Variants in PZP observed in about 807,000 individuals in gnomAD.
PZP encodes the protein pregnancy zone protein.
A neutral mutation model predicts 179.8 loss-of-function variants in PZP; 150 were observed. The observed-to-expected ratio is 0.83, with a 90% confidence interval of 0.73 to 0.96. PZP has a LOEUF of 0.96. Ranked by LOEUF, PZP falls within the 40% of genes least tolerant of loss-of-function variation. The pLI is 0.00. For missense variants in PZP, 1,689 were observed against 1,764.0 expected (o/e 0.96, Z 0.76); for synonymous variants, 624 against 652.3 (o/e 0.96, Z 0.66).
intron 7 of PZP, among the ~76,000 whole-genome samples, chr12:9,197,981 A>T (rs908126075): frequency 2.2e-5 from 3 of 134,830 alleles, no homozygotes; most frequent in African/African-American, 8.3e-5. Flanking sequence ...ATTAATATAT[A>T]TTATATATAT....
chr12:9,169,442 A>G lies in PZP; in HGVS notation c.1989T>C (p.Tyr663=), dbSNP rs767997240. 3 of 1,602,738 alleles carry G rather than the reference A, an allele frequency of 1.9e-6. No individual in the cohort carries two copies. The highest frequency in any genetic ancestry group is 4.5e-5 in the East Asian group (2 of 44,592). The stretch of plus-strand genomic sequence containing the variant: ...GTGAGAATTTTACCTTGAGGAAGCT[A>G]TAAATATCTGCTTCATTACTTGATA... ...VPLSSNEADI[Y]SFLKGMGLKV... Residue 663 remains tyrosine (Y), a synonymous_variant, in exon 16 of 36, where the codon TAT becomes TAC. Coordinates refer to ENST00000261336, the MANE Select transcript of PZP (RefSeq NM_002864.3).
At position 9,165,312 on chromosome 12, in the gene PZP, T is replaced by C; in HGVS notation, c.2314A>G (p.Lys772Glu). The C allele has an allele frequency of 6.2e-7, 1 of 1,614,134 alleles. No individual in the cohort carries two copies. The highest frequency in any genetic ancestry group is 8.5e-7 in the Non-Finnish European group (1 of 1,179,992). The part of the protein sequence containing the change: ...VTVPDTITEW[K>E]AGAFCLSEDA... ...TCGGACAGGCAGAAGGCCCCTGCCT[T>C]CCACTCGGTGATGGTGTCAGGGACT... The change falls in exon 19 of 36, where the codon AAG becomes GAG. Residue 772 changes from lysine to glutamate, a missense_variant. Transcript: ENST00000261336.
At chr12:9,154,994 A>C (rs752198578) in intron 28 of PZP, among the ~76,000 whole-genome samples, 155 bp from the exon 29 acceptor site, 7 of 152,218 alleles carry the variant, frequency 4.6e-5, no homozygotes, top group Non-Finnish European at 5.9e-5. Context: ...ACTAACTCAC[A>C]CTTCTATGCT....
chr12:9,148,975 A>G lies in PZP; in HGVS notation c.4446T>C (p.Val1482=), dbSNP rs749859342. ...PCSTDTEHGN[V] ...AAATATACAGCCTGTATGGTCCTCAAACATTTCCATGCTCTGTATCTATGG... is the reference window on the plus strand; with the variant it reads ...AAATATACAGCCTGTATGGTCCTCAGACATTTCCATGCTCTGTATCTATGG... Residue 1482 remains valine, a synonymous_variant, in exon 36 of 36, where the codon GTT becomes GTC. Transcript: ENST00000261336. The G allele has an allele frequency of 1.1e-5, 17 of 1,610,810 alleles. No homozygotes were observed. The South Asian group carries it at 1.5e-4, about 15-fold the overall frequency.
the PZP span, among the ~76,000 whole-genome samples, chr12:9,139,351 T>G: frequency 2.0e-3 from 311 of 152,308 alleles, 2 homozygotes; most frequent in African/African-American, 6.9e-3. Flanking sequence ...AATATGTGAC[T>G]TATCCTGGGG....
intron 32 of PZP, among the ~76,000 whole-genome samples, chr12:9,151,909 T>C (rs887959654): frequency 1.3e-5 from 2 of 152,196 alleles, no homozygotes; most frequent in East Asian, 1.9e-4. Flanking sequence ...TTTTAGTGCA[T>C]ATCAGTCAGT....
chr12:9,180,961 C>G (rs756488331), intron 15 of PZP, 22 bp downstream of exon 15: 5 of 1,606,740 alleles, frequency 3.1e-6, no homozygotes, highest in Non-Finnish European at 4.2e-6. Flanking sequence ...CTTCCTGGTC[C>G]CCAAGGCCAC....
In PZP at chr12:9,171,046, T is replaced by G. The variant is rs759208156; in HGVS notation, c.1840-1455A>C. The stretch of plus-strand genomic sequence containing the variant: ...GGTCCCTGATCCCATTCCTCCTGAC[T>G]GGGCGAGACCTCCCAATGAGGGTCT... On this transcript the variant is annotated intron_variant, in intron 15 of 35. Coordinates refer to ENST00000261336, the MANE Select transcript of PZP (RefSeq NM_002864.3). Among the ~76,000 whole-genome samples, 9 of 152,292 alleles carry G rather than the reference T, an allele frequency of 5.9e-5. No homozygotes were observed. The South Asian group carries it at 8.3e-4, about 14-fold the overall frequency.
chr12:9,156,259 G>A (rs1025647164), intron 28 of PZP: 9 of 207,096 alleles, frequency 4.3e-5, no homozygotes, highest in Admixed American at 1.8e-4. Flanking sequence ...CAGTACCTTC[G>A]CTTTGGGAAA....
intron 1 of PZP, among the ~76,000 whole-genome samples, chr12:9,205,866 T>C (rs779191312): frequency 6.6e-6 from 1 of 152,320 alleles, no homozygotes; most frequent in East Asian, 1.9e-4. Context: ...AGTTGTGGAA[T>C]GTGGAACTCA....
chr12:9,147,990 T>C (rs1001884718), downstream of PZP, among the ~76,000 whole-genome samples: 1 of 152,150 alleles, frequency 6.6e-6, no homozygotes, highest in Admixed American at 6.6e-5. Flanking sequence ...TTGCCTCTTC[T>C]CAAATACTTG....
intron 20 of PZP, 32 bp from the exon 21 acceptor site, chr12:9,163,821 C>T (rs1028285565): frequency 1.2e-6 from 2 of 1,601,558 alleles, no homozygotes; most frequent in African/African-American, 2.7e-5. Flanking sequence ...ACATGAGTAT[C>T]CACTTTGATA....
At position 9,152,813 on chromosome 12, in the gene PZP, G is replaced by C. The variant is rs202077255; in HGVS notation, c.4121+11C>G. 2 of 1,613,442 alleles carry C rather than the reference G, an allele frequency of 1.2e-6. No homozygotes were observed. Among genetic ancestry groups the C allele is most frequent in the African/African-American group, 1.3e-5 (1 of 74,920 alleles). ...GGGCCAAAGATAGGTGATTAGGTTA[G>C]AACGTCTTACCTGATGGTCAGTGAG... is the stretch of plus-strand genomic sequence containing the variant. On this transcript the variant is annotated intron_variant, in intron 31 of 35. Coordinates refer to ENST00000261336, the MANE Select transcript of PZP (RefSeq NM_002864.3).
intron 4 of PZP, 142 bp from the exon 5 acceptor site, chr12:9,201,489 T>G: frequency 1.6e-6 from 1 of 614,110 alleles, no homozygotes; most frequent in South Asian, 2.5e-5. Context: ...TGGAAAAATC[T>G]CAGGGAAATT....
Position 9,191,348 on chromosome 12 carries a change from A to C in PZP, c.1546+845T>G, listed in dbSNP as rs932257545. ...CTCCATATCTAACTACCTCTACACTAGTATTGGGAAAAAACTGATATTCAA... is the reference window on the plus strand; with the variant it reads ...CTCCATATCTAACTACCTCTACACTCGTATTGGGAAAAAACTGATATTCAA... On this transcript the variant is annotated intron_variant, in intron 13 of 35. Transcript: ENST00000261336. 2.0e-5 allele frequency among the ~76,000 whole-genome samples: 3 copies of C among 152,126 alleles called. No individual in the cohort carries two copies. The East Asian group carries it at 5.8e-4, about 29-fold the overall frequency.
intron 13 of PZP, among the ~76,000 whole-genome samples, chr12:9,185,920 G>A (rs778518922): frequency 1.3e-5 from 2 of 151,346 alleles, no homozygotes; most frequent in South Asian, 2.1e-4. Context: ...CAGTTCTCCT[G>A]CCTCAGCCTC....
chr12:9,148,791 C>G (rs2120470388), downstream of PZP: 1 of 575,922 alleles, frequency 1.7e-6, no homozygotes, highest in Admixed American at 3.4e-5. Context: ...TATAACTCAT[C>G]ATGTGAACAT....
chr12:9,192,661 T>G lies in PZP; in HGVS notation c.1333A>C (p.Asn445His), dbSNP rs1462308650. 1 of 1,614,050 alleles carries G rather than the reference T, an allele frequency of 6.2e-7. No homozygotes were observed. Among genetic ancestry groups the G allele is most frequent in the East Asian group, 2.2e-5 (1 of 44,878 alleles). Residue 445 changes from asparagine (N) to histidine (H), a missense_variant, in exon 12 of 36, where the codon AAT becomes CAT. This residue lies in a region of PZP where 742 missense variants were observed against 730.5 expected (regional missense o/e 1.02). Coordinates refer to ENST00000261336, the MANE Select transcript of PZP (RefSeq NM_002864.3). ...CTTCCACTTAAGGAGAAAACACGATTTGCAGTGTGCTGAGCACCCTGGTGG... is the reference window on the plus strand; with the variant it reads ...CTTCCACTTAAGGAGAAAACACGATGTGCAGTGTGCTGAGCACCCTGGTGG... ...EDHQGAQHTA[N>H]RVFSLSGSYI...
chr12:9,175,842 C>CT (rs1230638641), intron 15 of PZP, among the ~76,000 whole-genome samples: 2 of 128,408 alleles, frequency 1.6e-5, no homozygotes, highest in East Asian at 2.1e-4. Flanking sequence ...AAAAGGAATG[C>CT]TTTTTTTACT....
Sources: allele counts gnomAD v4.1 joint callset (sites outside exome capture counted in the v4.1 genomes callset), GRCh38; gene constraint gnomAD v4.1.1; regional missense constraint gnomAD v4.1.1; transcripts MANE v1.5; gene names NCBI Gene and HGNC (gene_info 2026-07-23, HGNC 2026-07-21).